The following ANKRD31 variants were observed in gnomAD, a reference collection of about 807,000 sequenced individuals.
The protein encoded by ANKRD31 is ankyrin repeat domain 31.
A neutral mutation model predicts 186.0 loss-of-function variants in ANKRD31; 147 were observed. The ratio of observed to expected loss-of-function variants is 0.79; its 90% CI spans 0.69 to 0.91. The LOEUF (loss-of-function observed/expected upper bound fraction) is 0.91, where lower values mean the gene tolerates loss of function less well. ANKRD31 is among the 40% of genes least tolerant of loss of function. The pLI is 0.00. For missense variants in ANKRD31, 1,986 were observed against 2,148.8 expected, an observed-to-expected ratio of 0.92 and a Z score of 1.50; for synonymous variants, 673 against 736.4, an observed-to-expected ratio of 0.91 and a Z score of 1.39.
chr5:75,191,031 A>G (rs937988873), intron 9 of ANKRD31, among the ~76,000 whole-genome samples: 35 of 152,148 alleles, frequency 2.3e-4, no homozygotes, highest in African/African-American at 8.4e-4. Flanking sequence ...CATTCTTTTA[A>G]AGGTATGTAG....
chr5:75,086,731 T>G (rs1745513311), intron 23 of ANKRD31, among the ~76,000 whole-genome samples: 1 of 152,210 alleles, frequency 6.6e-6, no homozygotes. Flanking sequence ...AAGGTAGAAC[T>G]GGAGGGGTGT....
intron 13 of ANKRD31, 76 bp from the exon 14 acceptor site, chr5:75,147,581 A>G: frequency 1.0e-6 from 1 of 1,003,324 alleles, no homozygotes; most frequent in Admixed American, 3.4e-5. Context: ...ATTATTGATA[A>G]ATCAACTATT....
At chr5:75,075,902 T>C (rs1744597371) in intron 25 of ANKRD31, among the ~76,000 whole-genome samples, 1 of 152,194 alleles carries the variant, frequency 6.6e-6, no homozygotes, top group Admixed American at 6.6e-5. Flanking sequence ...CATGGAAAGA[T>C]ATTTCACCAA....
At chr5:75,131,005 G>T (rs1421768934) in intron 17 of ANKRD31, among the ~76,000 whole-genome samples, 2 of 152,252 alleles carry the variant, frequency 1.3e-5, no homozygotes, top group East Asian at 3.9e-4. Context: ...CACAAAGAGA[G>T]AACGGTGGTC....
chr5:75,111,301 A>T (rs1399846191), intron 20 of ANKRD31, among the ~76,000 whole-genome samples: 1 of 152,160 alleles, frequency 6.6e-6, no homozygotes, highest in Non-Finnish European at 1.5e-5. Flanking sequence ...TTCTCGAAGT[A>T]TATCTGTATG....
In ANKRD31 at chr5:75,146,063, A is replaced by T. The variant is rs867949072; in HGVS notation, c.3348T>A (p.Thr1116=). Residue 1116 remains threonine, a synonymous_variant, in exon 14 of 26, where the codon ACT becomes ACA. Coordinates refer to ENST00000506364, the MANE Select transcript of ANKRD31 (RefSeq NM_001372053.1). ...TGGCCAATTCTTTACTCATATTGTC[A>T]GTGGAATGAGAATCTATATTGTGTA... ...ETIHNIDSHS[T]DNMSKELANI... The T allele has an allele frequency of 3.3e-6, 5 of 1,526,722 alleles. No homozygotes were observed. In the Middle Eastern group the frequency reaches 5.1e-4, roughly 155 times the overall value. 94.6% of individuals were successfully genotyped at this position (1,526,722 alleles called of 1,614,324 possible).
At chr5:75,200,205 C>A (rs1394163121) in intron 5 of ANKRD31, among the ~76,000 whole-genome samples, 1 of 152,160 alleles carries the variant, frequency 6.6e-6, no homozygotes, top group Non-Finnish European at 1.5e-5. Context: ...CTGAGCCAAG[C>A]TGGCAAACAG....
intron 3 of ANKRD31, 23 bp from the exon 4 acceptor site, chr5:75,210,888 T>C: frequency 6.7e-7 from 1 of 1,488,542 alleles, no homozygotes; most frequent in Non-Finnish European, 8.9e-7. Flanking sequence ...AAAAAAGTTT[T>C]TTCCAACTGA....
intron 15 of ANKRD31, among the ~76,000 whole-genome samples, chr5:75,139,857 T>C (rs532388334): frequency 1.3e-5 from 2 of 152,242 alleles, no homozygotes; most frequent in African/African-American, 4.8e-5. Context: ...ATATCTTTTA[T>C]ATAAGATCTT....
chr5:75,068,449 A>G lies in ANKRD31; in HGVS notation c.*70T>C, dbSNP rs1319719323. ...TGTTAAAATAGGCCCACCAGATTAT[A>G]CAAGATGAAATATAAATGTTTGTTG... On this transcript the variant is annotated 3_prime_UTR_variant, in exon 26 of 26. Transcript: ENST00000506364. 2 of 1,373,854 alleles carry G rather than the reference A, an allele frequency of 1.5e-6. No individual in the cohort carries two copies. The highest frequency in any genetic ancestry group is 3.2e-5 in the Admixed American group (1 of 31,244). 85.1% of individuals were successfully genotyped at this position (1,373,854 alleles called of 1,614,324 possible). A position where few individuals can be genotyped will look rare whatever the true frequency, so the allele number is the denominator to read the frequency against.
chr5:75,168,906 A>C (rs1187257469), intron 11 of ANKRD31, 73 bp downstream of exon 11: 1 of 1,325,742 alleles, frequency 7.5e-7, no homozygotes, highest in Admixed American at 2.8e-5. Context: ...ATGTTTTTCT[A>C]TTGTGTGGTC....
intron 6 of ANKRD31, 91 bp downstream of exon 6, chr5:75,199,540 G>T (rs1278777028): frequency 1.2e-5 from 12 of 981,368 alleles, no homozygotes; most frequent in Middle Eastern, 2.5e-4. Context: ...GAGGGTGAGG[G>T]TCTAAATGAG....
At chr5:75,233,316 G>T (rs1366284752) in intron 1 of ANKRD31, among the ~76,000 whole-genome samples, 2 of 151,974 alleles carry the variant, frequency 1.3e-5, no homozygotes, top group Non-Finnish European at 2.9e-5. Flanking sequence ...GCCCACCTCA[G>T]CCTCCCAAAG....
chr5:75,148,530 G>A, intron 13 of ANKRD31, 46 bp downstream of exon 13: 1 of 1,304,634 alleles, frequency 7.7e-7, no homozygotes, highest in Non-Finnish European at 1.0e-6. Flanking sequence ...GAAACAACCA[G>A]AAGTTACATC....
chr5:75,163,155 T>G (rs575149171), intron 11 of ANKRD31, among the ~76,000 whole-genome samples: 20 of 152,376 alleles, frequency 1.3e-4, no homozygotes, highest in Admixed American at 7.8e-4. Flanking sequence ...GAAAGAATAC[T>G]GTCTTTTGAA....
chr5:75,217,089 G>A (rs1401355787), intron 3 of ANKRD31, among the ~76,000 whole-genome samples: 7 of 152,114 alleles, frequency 4.6e-5, no homozygotes, highest in African/African-American at 1.7e-4. Flanking sequence ...GTCCAAGAGT[G>A]TGGGTGGTAT....
At chr5:75,145,830 T>A (rs893901605) in intron 14 of ANKRD31, among the ~76,000 whole-genome samples, 157 bp downstream of exon 14, 5 of 152,124 alleles carry the variant, frequency 3.3e-5, no homozygotes, top group African/African-American at 1.2e-4. Context: ...TAATCACTGT[T>A]ACTTAACTAC....
intron 20 of ANKRD31, among the ~76,000 whole-genome samples, 167 bp downstream of exon 20, chr5:75,112,346 T>C (rs915607294): frequency 4.6e-5 from 7 of 152,186 alleles, no homozygotes; most frequent in African/African-American, 1.7e-4. Context: ...ACTTTTAAAG[T>C]AAGTCTACTT....
intron 19 of ANKRD31, among the ~76,000 whole-genome samples, chr5:75,115,194 T>A (rs1373233257): frequency 5.3e-5 from 8 of 150,438 alleles, no homozygotes; most frequent in Non-Finnish European, 1.0e-4. Flanking sequence ...CTGGGAAAAC[T>A]GGCTAGCCAT....
Sources: gnomAD v4.1 joint callset for allele counts (sites outside exome capture counted in the v4.1 genomes callset) on GRCh38, gnomAD v4.1.1 for gene constraint, MANE v1.5 for transcripts, NCBI Gene and HGNC (gene_info 2026-07-23, HGNC 2026-07-21) for gene names.